The following ATXN1 variants were observed in gnomAD, a reference collection of about 807,000 sequenced individuals.
The protein encoded by ATXN1 is ataxin-1.
A neutral mutation model predicts 56.4 loss-of-function variants in ATXN1; 8 were observed. That is an observed-to-expected ratio of 0.14 (90% CI 0.08 to 0.26). The LOEUF is 0.26. Ranked by LOEUF, ATXN1 falls within the 10% of genes least tolerant of loss-of-function variation. The pLI is 1.00. For synonymous variants in ATXN1, 514 were observed against 494.6 expected, an observed-to-expected ratio of 1.04 and a Z score of -0.52; for missense variants, 987 against 1,106.5, an observed-to-expected ratio of 0.89 and a Z score of 1.53.
At chr6:16,373,028 G>C (rs572145739) in intron 6 of ATXN1, among the ~76,000 whole-genome samples, 1 of 152,134 alleles carries the variant, frequency 6.6e-6, no homozygotes, top group Non-Finnish European at 1.5e-5. Context: ...GGTAGGAAGG[G>C]GACATGTGAT....
intron 4 of ATXN1, among the ~76,000 whole-genome samples, chr6:16,570,844 C>T (rs1323792128): frequency 6.6e-6 from 1 of 152,178 alleles, no homozygotes; most frequent in East Asian, 1.9e-4. Context: ...TAGCTTTCTA[C>T]CCTTGCTCCT....
At chr6:16,314,137 T>C (rs1760460563) in intron 7 of ATXN1, among the ~76,000 whole-genome samples, 1 of 152,198 alleles carries the variant, frequency 6.6e-6, no homozygotes, top group African/African-American at 2.4e-5. Flanking sequence ...CTAATTAGTG[T>C]GAACTACCTA....
At chr6:16,648,690 C>A (rs974291105) in intron 3 of ATXN1, among the ~76,000 whole-genome samples, 4 of 152,150 alleles carry the variant, frequency 2.6e-5, no homozygotes, top group Non-Finnish European at 5.9e-5. Flanking sequence ...AGACAAGGAT[C>A]AACTTACATG....
At chr6:16,755,718 TAA>T (rs368926707) in intron 1 of ATXN1, among the ~76,000 whole-genome samples, 92 of 134,580 alleles carry the variant, frequency 6.8e-4, no homozygotes, top group Non-Finnish European at 6.2e-4. Flanking sequence ...CACCTAAGTG[TAA>T]AAAAAAAAAA....
At chr6:16,512,859 A>G (rs1761108697) in intron 5 of ATXN1, among the ~76,000 whole-genome samples, 1 of 152,198 alleles carries the variant, frequency 6.6e-6, no homozygotes, top group African/African-American at 2.4e-5. Flanking sequence ...CTAACCAGAA[A>G]TGACAACAAG....
At chr6:16,537,792 T>C (rs1194196584) in intron 4 of ATXN1, among the ~76,000 whole-genome samples, 2 of 151,134 alleles carry the variant, frequency 1.3e-5, no homozygotes, top group African/African-American at 2.4e-5. Context: ...AAAAACAGAC[T>C]TCGATTTGGA....
chr6:16,474,862 ACACT>A (rs1287445893), intron 6 of ATXN1, among the ~76,000 whole-genome samples: 1 of 138,250 alleles, frequency 7.2e-6, no homozygotes, highest in East Asian at 2.3e-4. Context: ...ACACACACAC[ACACT>A]CTCTCTCTCT....
chr6:16,572,167 T>A (rs1207000892), intron 4 of ATXN1, among the ~76,000 whole-genome samples: 1 of 152,170 alleles, frequency 6.6e-6, no homozygotes, highest in African/African-American at 2.4e-5. Context: ...CACAATTTCA[T>A]ATTTTTAAGA....
chr6:16,562,456 G>GAAA (rs879695446), intron 4 of ATXN1, among the ~76,000 whole-genome samples: 2 of 54,618 alleles, frequency 3.7e-5, no homozygotes, highest in Non-Finnish European at 1.1e-4. Flanking sequence ...GAAAGAAAAG[G>GAAA]AGAGGAGAGG....
At chr6:16,568,409 C>T (rs1762269877) in intron 4 of ATXN1, among the ~76,000 whole-genome samples, 1 of 152,200 alleles carries the variant, frequency 6.6e-6, no homozygotes, top group Admixed American at 6.5e-5. Flanking sequence ...CCGGTACAGG[C>T]AGTTCTCAAT....
At chr6:16,533,233 G>A (rs888714590) in intron 4 of ATXN1, among the ~76,000 whole-genome samples, 5 of 152,180 alleles carry the variant, frequency 3.3e-5, no homozygotes, top group Non-Finnish European at 5.9e-5. Flanking sequence ...AGAAGAAGAA[G>A]AAGAAGACCC....
At position 16,306,839 on chromosome 6, in the gene ATXN1, T is replaced by C. The variant is rs369252780; in HGVS notation, c.1938A>G (p.Val646=). 11 of 1,609,620 alleles carry C rather than the reference T, an allele frequency of 6.8e-6. No individual in the cohort carries two copies. In the African/African-American group the frequency reaches 9.4e-5, roughly 14 times the overall value. Residue 646 remains valine, a synonymous_variant, in exon 8 of 8, where the codon GTA becomes GTG. Transcript: ENST00000436367. This position sits in a 1 kb window ranked among gnomAD's most constrained non-coding sequence, Gnocchi z 5.2. ...GTCCAAACACAAAAAAAGGATACTC[T>C]ACCAAAACTTCAACGCTGACCTGTG... ...HRAQVSVEVL[V]EYPFFVFGQG...
intron 5 of ATXN1, among the ~76,000 whole-genome samples, chr6:16,501,864 T>C: frequency 6.6e-6 from 1 of 152,122 alleles, no homozygotes; most frequent in East Asian, 1.9e-4. Context: ...GGTCAAATGG[T>C]ATTTCTGGTT....
chr6:16,572,073 C>A (rs56337026), intron 4 of ATXN1, among the ~76,000 whole-genome samples: 13,978 of 152,114 alleles, frequency 0.092, 1,271 homozygotes, highest in African/African-American at 0.24. Context: ...GAGTTCTCAG[C>A]ATCATAAAGG....
chr6:16,643,627 CAAAAAA>C (rs58223053), intron 3 of ATXN1, among the ~76,000 whole-genome samples: 6 of 63,182 alleles, frequency 9.5e-5, no homozygotes, highest in South Asian at 6.1e-4. Flanking sequence ...GAGACCCTGC[CAAAAAA>C]AAAAAAAAAA....
intron 6 of ATXN1, among the ~76,000 whole-genome samples, chr6:16,335,651 GGC>G (rs1243397609): frequency 6.6e-6 from 1 of 152,208 alleles, no homozygotes; most frequent in Non-Finnish European, 1.5e-5. Flanking sequence ...ACCTGGGAAT[GGC>G]TTTATTTGGA....
At chr6:16,456,177 C>A (rs1055486596) in intron 6 of ATXN1, among the ~76,000 whole-genome samples, 2 of 152,110 alleles carry the variant, frequency 1.3e-5, no homozygotes, top group African/African-American at 4.8e-5. Context: ...TAACACTCAC[C>A]GTGAAGGTCC....
intron 1 of ATXN1, 73 bp from the exon 2 acceptor site, chr6:16,753,420 T>TCCACC (rs1760787524): frequency 2.2e-6 from 1 of 451,174 alleles, no homozygotes; most frequent in Admixed American, 2.4e-5. Flanking sequence ...AAAAAATAAG[T>TCCACC]CCACCTTAAG....
At chr6:16,364,954 T>A (rs1039991814) in intron 6 of ATXN1, among the ~76,000 whole-genome samples, 18 of 152,186 alleles carry the variant, frequency 1.2e-4, no homozygotes, top group Non-Finnish European at 2.4e-4. Flanking sequence ...GTTGCTCCTG[T>A]CTTCCCAGAA....
Sources: gnomAD v4.1 joint callset for allele counts (sites outside exome capture counted in the v4.1 genomes callset) on GRCh38, gnomAD v4.1.1 for gene constraint, Gnocchi (gnomAD v3.1) non-coding constraint, MANE v1.5 for transcripts, NCBI Gene and HGNC (gene_info 2026-07-23, HGNC 2026-07-21) for gene names.